USP6: variants seen among roughly 807,000 people sequenced by gnomAD.
USP6 encodes the protein ubiquitin specific peptidase 6.
A neutral mutation model predicts 175.7 loss-of-function variants in USP6; 128 were observed. That is an observed-to-expected ratio of 0.73 (90% CI 0.63 to 0.84). The LOEUF is 0.84. Among genes scored for constraint, USP6 ranks in the 40% least tolerant of loss-of-function variants. The probability of loss-of-function intolerance (pLI) is 0.00; values close to 1 mark genes in which losing one functional copy is unlikely to be tolerated. For synonymous variants in USP6, 562 were observed against 630.6 expected (o/e 0.89, Z 1.63); for missense variants, 1,498 against 1,760.3 (o/e 0.85, Z 2.67).
chr17:5,142,510 G>C lies in USP6; in HGVS notation c.1818+8G>C. On this transcript the variant is annotated splice_region_variant and intron_variant, in intron 25 of 37. Coordinates refer to ENST00000574788, the MANE Select transcript of USP6 (RefSeq NM_001304284.2). ...GCCCCATTAAAGCTTCGGGTAAGCA[G>C]GTTAAAATAATATAAAAGTATTTAA... The C allele has an allele frequency of 6.3e-7, 1 of 1,599,516 alleles. No homozygotes were observed. Among genetic ancestry groups the C allele is most frequent in the African/African-American group, 1.3e-5 (1 of 74,308 alleles).
At chr17:5,152,241 C>CA (rs61685863) in intron 30 of USP6, among the ~76,000 whole-genome samples, 16,312 of 89,854 alleles carry the variant, frequency 0.18, 974 homozygotes, top group Middle Eastern at 0.26. Context: ...GACTCCGTCT[C>CA]AAAAAAAAAA....
rs551756015 is a variant in USP6 at position 5,122,543 on chromosome 17, C to T, written c.-1299+793C>T. Reference sequence around the variant, plus strand: ...TCTTAGTTCCTTGGCCCGCGTGCCACCCGGGAGGCCGAACCGGCCCCAGCC... The same window carrying T: ...TCTTAGTTCCTTGGCCCGCGTGCCATCCGGGAGGCCGAACCGGCCCCAGCC... On this transcript the variant is annotated intron_variant, in intron 4 of 37. Coordinates refer to ENST00000574788, the MANE Select transcript of USP6 (RefSeq NM_001304284.2). Among the ~76,000 whole-genome samples the T allele has an allele frequency of 3.3e-5, 5 of 152,378 alleles. No individual in the cohort carries two copies. In the South Asian group the frequency reaches 6.2e-4, roughly 19 times the overall value.
chr17:5,133,901 G>A lies in USP6; in HGVS notation c.399G>A (p.Arg133=). The part of the protein sequence containing the change: ...NPGRYQIMKE[R]GKRSSEHIHH... The stretch of plus-strand genomic sequence containing the variant: ...CTGCCCTACAGATCATGAAGGAGAG[G>A]GGCAAGAGGTCATCTGAACACATCC... The change falls in exon 15 of 38, where the codon AGG becomes AGA. Residue 133 remains arginine (R), a synonymous_variant. Coordinates refer to ENST00000574788, the MANE Select transcript of USP6 (RefSeq NM_001304284.2). The A allele has an allele frequency of 6.2e-7, 1 of 1,614,124 alleles. No homozygotes were observed. The highest frequency in any genetic ancestry group is 8.5e-7 in the Non-Finnish European group (1 of 1,180,008).
chr17:5,132,825 G>A lies in USP6; in HGVS notation c.196-85G>A. 4.6e-6 allele frequency: 7 copies of A among 1,521,240 alleles called. No homozygotes were observed. The highest frequency in any genetic ancestry group is 6.4e-6 in the Non-Finnish European group (7 of 1,096,048). 94.2% of individuals were successfully genotyped at this position (1,521,240 alleles called of 1,614,324 possible). A position where few individuals can be genotyped will look rare whatever the true frequency, so the allele number is the denominator to read the frequency against. On this transcript the variant is annotated intron_variant, in intron 12 of 37. Transcript: ENST00000574788. The surrounding 1 kb of genome is among the most constrained non-coding windows in gnomAD (Gnocchi z 4.7). ...GCTCCTTCCAGTTGGGTCCCACCAG[G>A]GCTCCAGAGCCCAAGACTCAGCATC... is the stretch of plus-strand genomic sequence containing the variant.
chr17:5,169,665 C>A (rs1013492529), intron 35 of USP6, among the ~76,000 whole-genome samples: 4 of 151,932 alleles, frequency 2.6e-5, no homozygotes, highest in African/African-American at 9.7e-5. Context: ...TGGGCTCGAA[C>A]TCCTGCACCC....
chr17:5,149,343 C>T (rs1334878015), intron 30 of USP6, among the ~76,000 whole-genome samples: 1 of 152,072 alleles, frequency 6.6e-6, no homozygotes, highest in Admixed American at 6.5e-5. Context: ...GCAGAGGTTG[C>T]AGTGAGCGAA....
intron 35 of USP6, among the ~76,000 whole-genome samples, chr17:5,169,453 T>G: frequency 6.6e-6 from 1 of 152,158 alleles, no homozygotes; most frequent in Admixed American, 6.5e-5. Context: ...TTTGTTTTTT[T>G]GAGACAGGGT....
intron 20 of USP6, 128 bp downstream of exon 20, chr17:5,137,878 G>A (rs1351853620): frequency 3.7e-5 from 58 of 1,561,722 alleles, no homozygotes; most frequent in Non-Finnish European, 4.6e-5. Context: ...TGGCCAGGTG[G>A]GCTGGGCAGG....
At position 5,148,637 on chromosome 17, in the gene USP6, A is replaced by G. The variant is rs142811802; in HGVS notation, c.2513A>G (p.Asn838Ser). The G allele has an allele frequency of 1.2e-4, 192 of 1,613,864 alleles. No homozygotes were observed. The Admixed American group carries it at 1.7e-3, about 14-fold the overall frequency. ...CTACCCAAACCAATATTCATCCCCA[A>G]TGGAATGCCAAACACTGTTGTGCCA... ...GDLPKPIFIP[N>S]GMPNTVVPCG... The change falls in exon 30 of 38, where the codon AAT (asparagine) becomes AGT (serine). Residue 838 changes from asparagine (N) to serine (S), a missense_variant. Physicochemically the swap from Asn to Ser is conservative, Grantham distance 46. This residue lies in a region of USP6 where 1,217 missense variants were observed against 1,500.8 expected (regional missense o/e 0.81). Coordinates refer to ENST00000574788, the MANE Select transcript of USP6 (RefSeq NM_001304284.2).
intron 30 of USP6, among the ~76,000 whole-genome samples, chr17:5,151,886 T>C (rs373107137): frequency 2.6e-5 from 4 of 152,304 alleles, no homozygotes; most frequent in East Asian, 3.9e-4. Flanking sequence ...AAGATAATAA[T>C]GGTGAATTCA....
In USP6 at chr17:5,165,534, T is replaced by C. The variant is rs1295766378; in HGVS notation, c.3037-2398T>C. Among the ~76,000 whole-genome samples the C allele has an allele frequency of 1.1e-4, 16 of 152,108 alleles. No individual in the cohort carries two copies. In the South Asian group the frequency reaches 2.5e-3, roughly 24 times the overall value. On this transcript the variant is annotated intron_variant, in intron 33 of 37. Coordinates refer to ENST00000574788, the MANE Select transcript of USP6 (RefSeq NM_001304284.2). ...AGATCAAGGCTGCAGTGAGCTGTGA[T>C]CTCGCCAGTGCACTCCAGCCTGGGT...
intron 2 of USP6, among the ~76,000 whole-genome samples, chr17:5,119,818 G>A (rs529451284): frequency 9.8e-5 from 15 of 152,350 alleles, no homozygotes; most frequent in African/African-American, 3.6e-4. Context: ...CTGGGAGAAA[G>A]ATACTCTTTC....
chr17:5,172,765 A>G (rs1231901598), intron 37 of USP6, 40 bp from the exon 38 acceptor site: 1 of 1,610,158 alleles, frequency 6.2e-7, no homozygotes. Context: ...GAGTCATAAT[A>G]GTGATGGCTT....
chr17:5,171,823 A>G (rs2074224943), intron 37 of USP6, 144 bp downstream of exon 37: 1 of 950,646 alleles, frequency 1.1e-6, no homozygotes, highest in South Asian at 1.8e-5. Context: ...TAAAGGAACA[A>G]AAGTGATATG....
chr17:5,125,350 T>C (rs1004401557), intron 5 of USP6, 78 bp downstream of exon 5: 1 of 152,280 alleles, frequency 6.6e-6, no homozygotes, highest in Non-Finnish European at 1.5e-5. Context: ...TGTAATGGGC[T>C]TGAATCATCT....
chr17:5,135,310 A>AG (rs1567783986), intron 16 of USP6, 28 bp downstream of exon 16: 7 of 1,610,556 alleles, frequency 4.3e-6, no homozygotes, highest in Non-Finnish European at 5.9e-6. Context: ...TGAGGTTCCC[A>AG]GGCTGTATTT....
chr17:5,150,353 A>C (rs1167507230), intron 30 of USP6, among the ~76,000 whole-genome samples: 1 of 149,808 alleles, frequency 6.7e-6, no homozygotes, highest in Non-Finnish European at 1.5e-5. Flanking sequence ...AGTAAAGGAA[A>C]TTAGGGCTTC....
At position 5,147,270 on chromosome 17, in the gene USP6, T is replaced by G. The variant is rs570613635; in HGVS notation, c.2431+76T>G. 8.0e-5 allele frequency: 114 copies of G among 1,427,672 alleles called. No individual in the cohort carries two copies. The African/African-American group carries it at 1.6e-3, about 20-fold the overall frequency. The allele number at this position is 1,427,672 out of a possible 1,614,324, so 88.4% of individuals were successfully genotyped here. On this transcript the variant is annotated intron_variant, in intron 29 of 37. Transcript: ENST00000574788. Reference sequence around the variant, plus strand: ...CTAAGAGTTGTCATCTTTTTTATATTTGTTCATGCTGAGGATGTTATAGCA... The same window carrying G: ...CTAAGAGTTGTCATCTTTTTTATATGTGTTCATGCTGAGGATGTTATAGCA...
chr17:5,146,021 A>G lies in USP6; in HGVS notation c.2168-2A>G, dbSNP rs1439561801. ...TGATAAAAGATCTTTTCTCTTTACTAGTGATTAAGTTAGATGGTACTACCC... is the reference window on the plus strand; with the variant it reads ...TGATAAAAGATCTTTTCTCTTTACTGGTGATTAAGTTAGATGGTACTACCC... On this transcript the variant is annotated splice_acceptor_variant, in intron 27 of 37. Transcript: ENST00000574788. LOFTEE classifies it high-confidence loss of function. 1.3e-6 allele frequency: 2 copies of G among 1,573,450 alleles called. No homozygotes were observed. The highest frequency in any genetic ancestry group is 1.4e-5 in the African/African-American group (1 of 73,456).
Sources: gnomAD v4.1 joint callset for allele counts (sites outside exome capture counted in the v4.1 genomes callset) on GRCh38, gnomAD v4.1.1 for gene constraint, gnomAD v4.1.1 regional missense constraint, Gnocchi (gnomAD v3.1) non-coding constraint, MANE v1.5 for transcripts, NCBI Gene and HGNC (gene_info 2026-07-23, HGNC 2026-07-21) for gene names.